Variants in SH3PXD2A observed in about 807,000 individuals in gnomAD.
SH3PXD2A encodes the protein SH3 and PX domains 2A.
In SH3PXD2A, 32 loss-of-function variants were observed where a neutral mutation model predicts 115.2. The ratio of observed to expected loss-of-function variants is 0.28; its 90% confidence interval spans 0.21 to 0.37. The LOEUF (loss-of-function observed/expected upper bound fraction) is 0.37, where lower values mean the gene tolerates loss of function less well. Ranked by LOEUF, SH3PXD2A falls within the 10% of genes least tolerant of loss-of-function variation. The pLI, the probability that SH3PXD2A is intolerant of heterozygous loss-of-function variation, is 1.00. For synonymous variants in SH3PXD2A, 610 were observed against 629.1 expected, an observed-to-expected ratio of 0.97 and a Z score of 0.45; for missense variants, 1,328 against 1,498.7, an observed-to-expected ratio of 0.89 and a Z score of 1.88.
intron 6 of SH3PXD2A, among the ~76,000 whole-genome samples, chr10:103,670,713 C>G (rs1011362550): frequency 6.6e-6 from 1 of 152,240 alleles, no homozygotes; most frequent in African/African-American, 2.4e-5. Context: ...GAGGTTACAG[C>G]CCCTCCCCAG....
At chr10:103,689,306 G>A (rs1412467883) in intron 6 of SH3PXD2A, among the ~76,000 whole-genome samples, 1 of 152,206 alleles carries the variant, frequency 6.6e-6, no homozygotes, top group Non-Finnish European at 1.5e-5. Context: ...TAAGGCATGT[G>A]ATGGTGGAGG....
At position 103,605,948 on chromosome 10, in the gene SH3PXD2A, CCCG is replaced by C. The variant is rs747929691; in HGVS notation, c.1309-34_1309-32del. The C allele has an allele frequency of 2.3e-5, 37 of 1,611,308 alleles. No homozygotes were observed. In the South Asian group the frequency reaches 3.7e-4, roughly 16 times the overall value. On this transcript the variant is annotated intron_variant, in intron 13 of 14. Transcript: ENST00000369774. The stretch of plus-strand genomic sequence containing the variant: ...GTTAAGGAACACACAGTGGGCAAAA[CCCG>C]CCTAAATCAGAAGAGTAACTTGGCC...
intron 5 of SH3PXD2A, among the ~76,000 whole-genome samples, chr10:103,712,276 A>G (rs1651689783): frequency 6.6e-6 from 1 of 152,188 alleles, no homozygotes; most frequent in Non-Finnish European, 1.5e-5. Context: ...CTGACCACTG[A>G]GCCATGCTCC....
chr10:103,841,116 A>T (rs1349045247), intron 1 of SH3PXD2A, among the ~76,000 whole-genome samples: 2 of 152,216 alleles, frequency 1.3e-5, no homozygotes, highest in African/African-American at 4.8e-5. Context: ...AAGCTTCAGT[A>T]AAAATAGGAG....
intron 3 of SH3PXD2A, among the ~76,000 whole-genome samples, chr10:103,745,110 T>C (rs1367246571): frequency 6.6e-6 from 1 of 152,214 alleles, no homozygotes; most frequent in East Asian, 1.9e-4. Flanking sequence ...GTTCTCTCTC[T>C]ACAGCTGCTA....
intron 1 of SH3PXD2A, among the ~76,000 whole-genome samples, chr10:103,835,434 G>C (rs951443086): frequency 1.7e-4 from 26 of 152,172 alleles, no homozygotes; most frequent in African/African-American, 6.0e-4. Flanking sequence ...TCCCTTATTC[G>C]AAGTGAAATC....
At chr10:103,651,158 AAGGCACTGT>A (rs2037114825) in intron 8 of SH3PXD2A, among the ~76,000 whole-genome samples, 1 of 152,086 alleles carries the variant, frequency 6.6e-6, no homozygotes, top group Non-Finnish European at 1.5e-5. Flanking sequence ...TGGAAAGAAG[AAGGCACTGT>A]AGGCTGGAGT....
At chr10:103,654,706 C>A (rs1235047155) in intron 8 of SH3PXD2A, among the ~76,000 whole-genome samples, 2 of 152,202 alleles carry the variant, frequency 1.3e-5, no homozygotes, top group Non-Finnish European at 2.9e-5. Flanking sequence ...CATAAGCCAC[C>A]ATTCCTGGCC....
At chr10:103,722,297 CTGTCT>C (rs2038191792) in intron 5 of SH3PXD2A, among the ~76,000 whole-genome samples, 1 of 124,948 alleles carries the variant, frequency 8.0e-6, no homozygotes, top group Non-Finnish European at 1.6e-5. Flanking sequence ...GAGCGAGACT[CTGTCT>C]CAAAAAAAAA....
At chr10:103,699,946 G>A (rs1447796557) in intron 5 of SH3PXD2A, among the ~76,000 whole-genome samples, 1 of 152,232 alleles carries the variant, frequency 6.6e-6, no homozygotes, top group Non-Finnish European at 1.5e-5. Context: ...GGCTCCCCAG[G>A]CTGCATCCCA....
chr10:103,702,167 A>ACCAT (rs1163598188), intron 5 of SH3PXD2A, among the ~76,000 whole-genome samples: 4 of 151,268 alleles, frequency 2.6e-5, no homozygotes, highest in African/African-American at 4.9e-5. Flanking sequence ...CCATCCATCC[A>ACCAT]CCATCCATCC....
At chr10:103,791,998 A>C (rs2039040849) in intron 2 of SH3PXD2A, among the ~76,000 whole-genome samples, 1 of 151,988 alleles carries the variant, frequency 6.6e-6, no homozygotes, top group Admixed American at 6.6e-5. Flanking sequence ...AACTCAGGAG[A>C]GGCAGGAGGA....
At chr10:103,785,055 C>T (rs2038968059) in intron 2 of SH3PXD2A, among the ~76,000 whole-genome samples, 1 of 152,180 alleles carries the variant, frequency 6.6e-6, no homozygotes, top group South Asian at 2.1e-4. Flanking sequence ...CCAACCCTTC[C>T]TTCCAGTTGA....
chr10:103,612,549 C>T (rs1002933318), intron 12 of SH3PXD2A, among the ~76,000 whole-genome samples: 5 of 152,292 alleles, frequency 3.3e-5, no homozygotes, highest in South Asian at 4.1e-4. Flanking sequence ...GCTCTTGGAA[C>T]GCGTGTATCT....
At chr10:103,692,877 G>A (rs2037774598) in intron 6 of SH3PXD2A, 151 bp downstream of exon 6, 1 of 640,460 alleles carries the variant, frequency 1.6e-6, no homozygotes. Flanking sequence ...GGCAAGTGAA[G>A]CGAGTACCCC....
chr10:103,700,121 C>T (rs952548547), intron 5 of SH3PXD2A, among the ~76,000 whole-genome samples: 37 of 152,356 alleles, frequency 2.4e-4, no homozygotes, highest in African/African-American at 8.9e-4. Context: ...TGGGCAAAGG[C>T]CCTAAGTGTG....
At chr10:103,608,172 A>C (rs2036361638) in intron 13 of SH3PXD2A, among the ~76,000 whole-genome samples, 1 of 82,908 alleles carries the variant, frequency 1.2e-5, no homozygotes, top group African/African-American at 4.7e-5. Context: ...AAAAAAAAAG[A>C]ACACAGGACA....
chr10:103,677,641 T>C (rs2037555947), intron 6 of SH3PXD2A, among the ~76,000 whole-genome samples: 1 of 152,118 alleles, frequency 6.6e-6, no homozygotes, highest in Non-Finnish European at 1.5e-5. Flanking sequence ...GCTCCAAACG[T>C]CTGGTTAGGG....
intron 5 of SH3PXD2A, among the ~76,000 whole-genome samples, chr10:103,720,202 G>A (rs1230698873): frequency 1.3e-5 from 2 of 152,218 alleles, no homozygotes; most frequent in African/African-American, 4.8e-5. Flanking sequence ...TGATGGAAGG[G>A]GCAAGGGCCT....
Sources: gnomAD v4.1 joint callset for allele counts (sites outside exome capture counted in the v4.1 genomes callset) on GRCh38, gnomAD v4.1.1 for gene constraint, MANE v1.5 for transcripts, NCBI Gene and HGNC (gene_info 2026-07-23, HGNC 2026-07-21) for gene names.